The following PCDHA3 variants were observed in gnomAD, a reference collection of about 807,000 sequenced individuals.
PCDHA3 encodes the protein protocadherin alpha 3.
A neutral mutation model predicts 62.2 loss-of-function variants in PCDHA3; 41 were observed. The observed-to-expected ratio is 0.66, with a 90% CI of 0.51 to 0.86. The LOEUF is 0.86. PCDHA3 is among the 40% of genes least tolerant of loss of function. The probability of loss-of-function intolerance (pLI) is 0.00; values close to 1 mark genes in which losing one functional copy is unlikely to be tolerated. For missense variants in PCDHA3, 1,304 were observed against 1,241.2 expected (o/e 1.05, Z -0.76); for synonymous variants, 640 against 555.4 (o/e 1.15, Z -2.14).
At chr5:140,934,574 A>G in intron 1 of PCDHA3, among the ~76,000 whole-genome samples, 1 of 152,124 alleles carries the variant, frequency 6.6e-6, no homozygotes, top group Non-Finnish European at 1.5e-5. Flanking sequence ...AATTAATTGT[A>G]ACATTTCTGT....
chr5:140,958,015 C>A (rs573406509), intron 1 of PCDHA3, among the ~76,000 whole-genome samples: 1 of 151,796 alleles, frequency 6.6e-6, no homozygotes, highest in Non-Finnish European at 1.5e-5. Context: ...TTCTATCAGC[C>A]AAGTATACTA....
chr5:140,969,274 TG>T, intron 1 of PCDHA3: 1 of 1,614,158 alleles, frequency 6.2e-7, no homozygotes, highest in Non-Finnish European at 8.5e-7. Flanking sequence ...CAGGCCAAAG[TG>T]GTCAGAATGC....
Position 140,803,433 on chromosome 5 carries a change from G to T in PCDHA3, c.2236G>T (p.Gly746Trp), listed in dbSNP as rs369373965. 5 of 1,614,216 alleles carry T rather than the reference G, an allele frequency of 3.1e-6. No homozygotes were observed. The highest frequency in any genetic ancestry group is 4.2e-6 in the Non-Finnish European group (5 of 1,180,046). The change falls in exon 1 of 4, where the codon GGG becomes TGG. Residue 746 changes from glycine (G) to tryptophan (W), a missense_variant. Gly to Trp is a radical substitution (Grantham distance 184). Coordinates refer to ENST00000522353, the MANE Select transcript of PCDHA3 (RefSeq NM_018906.3). ...CACGCTGGTGTGCTCCAGCGCGGTG[G>T]GGAGCTGGTCATACTCGCAGCAGAG... is the stretch of plus-strand genomic sequence containing the variant. Reference protein sequence around the residue: ...KPTLVCSSAVGSWSYSQQRQQ... With the variant: ...KPTLVCSSAVWSWSYSQQRQQ...
intron 1 of PCDHA3, chr5:140,808,623 C>A: frequency 6.2e-7 from 1 of 1,613,692 alleles, no homozygotes; most frequent in Non-Finnish European, 8.5e-7. Context: ...ACTGTGTCTG[C>A]GTGGGACGCG....
chr5:140,970,222 C>T (rs1270140969), intron 1 of PCDHA3, among the ~76,000 whole-genome samples: 2 of 152,134 alleles, frequency 1.3e-5, no homozygotes, highest in Non-Finnish European at 2.9e-5. Context: ...TAAATGCAGC[C>T]TGTAATCTTC....
At chr5:140,880,095 A>G (rs2058235665) in intron 1 of PCDHA3, among the ~76,000 whole-genome samples, 1 of 152,246 alleles carries the variant, frequency 6.6e-6, no homozygotes, top group South Asian at 2.1e-4. Flanking sequence ...AGTAGGCTTA[A>G]AATCATAGAA....
intron 1 of PCDHA3, chr5:140,928,085 T>G: frequency 1.9e-6 from 3 of 1,614,236 alleles, no homozygotes; most frequent in Non-Finnish European, 8.5e-7. Flanking sequence ...TACAGCCTGC[T>G]GATTGATGGG....
At chr5:140,824,144 T>C (rs2150132609) in intron 1 of PCDHA3, 6 of 1,611,910 alleles carry the variant, frequency 3.7e-6, no homozygotes, top group Non-Finnish European at 4.2e-6. Context: ...TTTCTAATAT[T>C]AACATCCATC....
chr5:141,009,634 G>A lies in PCDHA3; in HGVS notation c.2550G>A (p.Glu850=). The change falls in exon 4 of 4, where the codon GAG becomes GAA. Residue 850 remains glutamate (E), a synonymous_variant. Transcript: ENST00000522353. Reference sequence around the variant, plus strand: ...TAATGTTTTGTCTTTCAGAACCAGAGGCAGGAGAAGTGTCCCCTCCAGTCG... The same window carrying A: ...TAATGTTTTGTCTTTCAGAACCAGAAGCAGGAGAAGTGTCCCCTCCAGTCG... The part of the protein sequence containing the change: ...PTVSSATPEP[E]AGEVSPPVGA... The A allele has an allele frequency of 6.2e-7, 1 of 1,613,116 alleles. No individual in the cohort carries two copies. The highest frequency in any genetic ancestry group is 8.5e-7 in the Non-Finnish European group (1 of 1,179,406).
At chr5:140,883,308 C>T (rs782669562) in intron 1 of PCDHA3, 2 of 1,614,102 alleles carry the variant, frequency 1.2e-6, no homozygotes, top group South Asian at 1.1e-5. Flanking sequence ...AATGATAACG[C>T]CCCAGAGGTT....
intron 1 of PCDHA3, among the ~76,000 whole-genome samples, chr5:140,945,740 C>A (rs966678098): frequency 5.9e-5 from 9 of 151,998 alleles, no homozygotes; most frequent in African/African-American, 2.2e-4. Flanking sequence ...AAAAGGACAG[C>A]CTCTTCAATA....
At chr5:140,824,615 T>G (rs1028534118) in intron 1 of PCDHA3, 1 of 126,010 alleles carries the variant, frequency 7.9e-6, no homozygotes, top group African/African-American at 3.7e-5. Flanking sequence ...TTAAAGTTTT[T>G]TTTTTTTTTT....
At chr5:140,809,001 C>A in intron 1 of PCDHA3, 1 of 1,613,666 alleles carries the variant, frequency 6.2e-7, no homozygotes, top group Non-Finnish European at 8.5e-7. Context: ...GGCTACAACG[C>A]GTGGCTTTCG....
chr5:140,889,388 A>C (rs1554183883), intron 1 of PCDHA3, among the ~76,000 whole-genome samples: 1 of 152,070 alleles, frequency 6.6e-6, no homozygotes, highest in African/African-American at 2.4e-5. Context: ...AGGACCATTC[A>C]GAGTTTAATT....
chr5:140,884,305 G>C, intron 1 of PCDHA3: 1 of 1,613,720 alleles, frequency 6.2e-7, no homozygotes, highest in African/African-American at 1.3e-5. Flanking sequence ...CACAGGCTTC[G>C]TCGAGGGCGT....
At chr5:140,984,693 A>G (rs1587034361) in intron 3 of PCDHA3, among the ~76,000 whole-genome samples, 1 of 152,264 alleles carries the variant, frequency 6.6e-6, no homozygotes, top group East Asian at 1.9e-4. Flanking sequence ...TATGTTCTGC[A>G]CTGCTTGGAG....
intron 1 of PCDHA3, among the ~76,000 whole-genome samples, chr5:140,946,611 A>AAT (rs1554217734): frequency 0.018 from 1,579 of 86,716 alleles, 89 homozygotes; most frequent in African/African-American, 0.026. Flanking sequence ...GAAAATGTGA[A>AAT]ATATATATAT....
intron 1 of PCDHA3, chr5:140,850,087 T>A (rs2150466351): frequency 6.3e-7 from 1 of 1,596,398 alleles, no homozygotes; most frequent in East Asian, 2.2e-5. Context: ...CTGGAGCTGC[T>A]ACAGTTCCAG....
chr5:140,838,048 T>C (rs2150282341), intron 1 of PCDHA3, among the ~76,000 whole-genome samples: 3 of 151,048 alleles, frequency 2.0e-5, no homozygotes, highest in African/African-American at 7.3e-5. Flanking sequence ...CTGCACTTTT[T>C]GGTTTTCCAC....
Sources: gnomAD v4.1 joint callset for allele counts (sites outside exome capture counted in the v4.1 genomes callset) on GRCh38, gnomAD v4.1.1 for gene constraint, MANE v1.5 for transcripts, NCBI Gene and HGNC (gene_info 2026-07-23, HGNC 2026-07-21) for gene names.